PDE3A: variants seen among roughly 807,000 people sequenced by gnomAD.
PDE3A encodes the protein cGMP-inhibited 3',5'-cyclic phosphodiesterase 3A.
PDE3A carries 43 observed loss-of-function variants against 98.3 expected under a neutral mutation model. The observed-to-expected ratio is 0.44, with a 90% CI of 0.34 to 0.56. The LOEUF is 0.56. Ranked by LOEUF, PDE3A falls within the 20% of genes least tolerant of loss-of-function variation. PDE3A has a pLI of 0.01. For missense variants in PDE3A, 1,427 were observed against 1,440.7 expected, an observed-to-expected ratio of 0.99 and a Z score of 0.15; for synonymous variants, 663 against 567.9, an observed-to-expected ratio of 1.17 and a Z score of -2.38.
intron 1 of PDE3A, among the ~76,000 whole-genome samples, chr12:20,544,509 T>C (rs1454701080): frequency 6.6e-6 from 1 of 151,916 alleles, no homozygotes; most frequent in African/African-American, 2.4e-5. Context: ...ATATTAACTA[T>C]AACCATGAGT....
intron 15 of PDE3A, among the ~76,000 whole-genome samples, chr12:20,668,963 A>C (rs7484287): frequency 0.52 from 77,004 of 147,716 alleles, 20,931 homozygotes; most frequent in East Asian, 0.73. Flanking sequence ...AAAATTTAGA[A>C]GAATGTATAA....
intron 1 of PDE3A, among the ~76,000 whole-genome samples, chr12:20,525,220 A>G (rs1383689803): frequency 1.3e-5 from 2 of 152,158 alleles, no homozygotes; most frequent in African/African-American, 4.8e-5. Context: ...TCATCTGTAT[A>G]AAAGGAATAG....
intron 1 of PDE3A, among the ~76,000 whole-genome samples, chr12:20,516,902 C>T (rs960931494): frequency 3.5e-4 from 54 of 152,216 alleles, no homozygotes; most frequent in African/African-American, 1.1e-3. Context: ...AAAACTATAA[C>T]TAGGATGAGG....
chr12:20,448,071 C>T (rs566331013), intron 1 of PDE3A, among the ~76,000 whole-genome samples: 5 of 152,256 alleles, frequency 3.3e-5, no homozygotes, highest in Admixed American at 6.5e-5. Context: ...ATGGATCTGT[C>T]ATTTACTGAG....
chr12:20,374,458 G>A (rs1367377153), intron 1 of PDE3A, among the ~76,000 whole-genome samples: 2 of 152,062 alleles, frequency 1.3e-5, no homozygotes, highest in African/African-American at 4.8e-5. Context: ...AACCAGAACA[G>A]TGACTCTGTG....
chr12:20,641,262 G>A (rs1443243000), intron 10 of PDE3A, among the ~76,000 whole-genome samples: 1 of 152,092 alleles, frequency 6.6e-6, no homozygotes, highest in African/African-American at 2.4e-5. Context: ...GTACGGGAAA[G>A]AGGAGCTCAA....
Position 20,552,597 on chromosome 12 carries a change from G to T in PDE3A, c.961-4063G>T. The T allele has an allele frequency of 6.2e-7, 1 of 1,613,722 alleles. No individual in the cohort carries two copies. Among genetic ancestry groups the T allele is most frequent in the South Asian group, 1.1e-5 (1 of 91,034 alleles). On this transcript the variant is annotated intron_variant, in intron 1 of 15. Transcript: ENST00000359062. This position sits in a 1 kb window ranked among gnomAD's most constrained non-coding sequence, Gnocchi z 5.1. ...AGCGGAAGTCGGCAGGAGGTGGCCC[G>T]AGCAGGGCCGGGTCCCCGCGCCGGA...
chr12:20,377,365 T>A (rs1222977579), intron 1 of PDE3A, among the ~76,000 whole-genome samples: 2 of 151,836 alleles, frequency 1.3e-5, no homozygotes, highest in African/African-American at 2.4e-5. Context: ...CATGTCAACA[T>A]GTAATCGGTG....
At chr12:20,452,999 G>A (rs1334205647) in intron 1 of PDE3A, among the ~76,000 whole-genome samples, 1 of 152,056 alleles carries the variant, frequency 6.6e-6, no homozygotes, top group Admixed American at 6.6e-5. Flanking sequence ...GAGTTTTTTA[G>A]CCTCTGCCTT....
rs1324362640 is a variant in PDE3A at position 20,481,752 on chromosome 12, C to T, written c.961-74908C>T. Among the ~76,000 whole-genome samples the T allele has an allele frequency of 1.3e-4, 16 of 124,290 alleles. No homozygotes were observed. In the East Asian group the frequency reaches 3.7e-3, roughly 29 times the overall value. 81.5% of individuals were successfully genotyped at this position (124,290 alleles called of 152,430 possible). On this transcript the variant is annotated intron_variant, in intron 1 of 15. Coordinates refer to ENST00000359062, the MANE Select transcript of PDE3A (RefSeq NM_000921.5). ...TTATTCAGATTCTCCATGTAAGTGA[C>T]TTGGGAAATAGATTTTTTTTTTTTT...
chr12:20,464,485 A>G (rs750634549), intron 1 of PDE3A, among the ~76,000 whole-genome samples: 3 of 152,074 alleles, frequency 2.0e-5, no homozygotes, highest in Non-Finnish European at 4.4e-5. Context: ...AATTGTTATC[A>G]TAATTATCTT....
chr12:20,553,360 T>C (rs893908582), intron 1 of PDE3A, among the ~76,000 whole-genome samples: 4 of 107,942 alleles, frequency 3.7e-5, no homozygotes, highest in African/African-American at 7.4e-5. Flanking sequence ...TTCTCAGAAG[T>C]TGCTGCCACC....
intron 1 of PDE3A, among the ~76,000 whole-genome samples, chr12:20,453,173 C>CTTTTT (rs55780939): frequency 1.2e-4 from 15 of 124,614 alleles, no homozygotes; most frequent in East Asian, 2.4e-4. Flanking sequence ...CTTGATAATG[C>CTTTTT]TTTTTTTTTT....
chr12:20,373,043 C>CT (rs1344010688), intron 1 of PDE3A, among the ~76,000 whole-genome samples: 2 of 152,174 alleles, frequency 1.3e-5, no homozygotes, highest in Admixed American at 6.5e-5. Context: ...CTCTCCCTCC[C>CT]TTTTTTTCTT....
At chr12:20,611,949 C>T (rs1943866489) in intron 2 of PDE3A, among the ~76,000 whole-genome samples, 1 of 151,162 alleles carries the variant, frequency 6.6e-6, no homozygotes, top group South Asian at 2.1e-4. Flanking sequence ...GTTGCCAGAA[C>T]ACTGCTATAC....
intron 15 of PDE3A, among the ~76,000 whole-genome samples, chr12:20,673,154 C>T (rs1180967118): frequency 2.0e-5 from 3 of 152,148 alleles, no homozygotes; most frequent in Admixed American, 6.5e-5. Flanking sequence ...AATGAGACAC[C>T]ATCTCACACC....
chr12:20,516,629 C>G (rs576711528), intron 1 of PDE3A, among the ~76,000 whole-genome samples: 1 of 152,110 alleles, frequency 6.6e-6, no homozygotes, highest in South Asian at 2.1e-4. Flanking sequence ...TTTCAAGTTG[C>G]TTTCACTGCG....
intron 15 of PDE3A, among the ~76,000 whole-genome samples, chr12:20,667,457 G>A (rs1945345051): frequency 1.3e-5 from 2 of 152,124 alleles, no homozygotes. Context: ...TGTATATAGT[G>A]AGAAATGGAG....
intron 1 of PDE3A, among the ~76,000 whole-genome samples, chr12:20,383,856 A>AAG (rs1943701591): frequency 6.6e-6 from 1 of 152,014 alleles, no homozygotes; most frequent in South Asian, 2.1e-4. Context: ...GTTTTGAGCA[A>AAG]AGAAAGGATG....
Sources: gnomAD v4.1 joint callset for allele counts (sites outside exome capture counted in the v4.1 genomes callset) on GRCh38, gnomAD v4.1.1 for gene constraint, Gnocchi (gnomAD v3.1) non-coding constraint, MANE v1.5 for transcripts, NCBI Gene and HGNC (gene_info 2026-07-23, HGNC 2026-07-21) for gene names.